ATG10: variants seen among roughly 807,000 people sequenced by gnomAD.
ATG10 encodes ubiquitin-like-conjugating enzyme ATG10.
ATG10 carries 30 observed loss-of-function variants against 32.1 expected under a neutral mutation model. That is an observed-to-expected ratio of 0.94 (90% CI 0.70 to 1.27). The LOEUF is 1.27. ATG10 is among the 50% of genes most tolerant of loss of function. The pLI is 0.00. For synonymous variants in ATG10, 87 were observed against 91.5 expected, an observed-to-expected ratio of 0.95 and a Z score of 0.28; for missense variants, 233 against 262.3, an observed-to-expected ratio of 0.89 and a Z score of 0.77.
intron 2 of ATG10, among the ~76,000 whole-genome samples, chr5:82,034,810 C>A (rs1182834055): frequency 6.6e-6 from 1 of 152,140 alleles, no homozygotes; most frequent in Non-Finnish European, 1.5e-5. Flanking sequence ...TCAAATGGCA[C>A]CTTATCAGTG....
At chr5:82,177,594 T>C (rs1744081680) in intron 4 of ATG10, among the ~76,000 whole-genome samples, 1 of 152,084 alleles carries the variant, frequency 6.6e-6, no homozygotes, top group Admixed American at 6.6e-5. Context: ...TTTCCAGTAG[T>C]GTATGGTTTG....
intron 2 of ATG10, among the ~76,000 whole-genome samples, chr5:82,029,288 G>T (rs1276571932): frequency 2.0e-5 from 3 of 151,804 alleles, no homozygotes; most frequent in African/African-American, 2.4e-5. Flanking sequence ...AGCTGAGATA[G>T]GAATGGGGAT....
chr5:82,052,475 A>T (rs900391971), intron 2 of ATG10, among the ~76,000 whole-genome samples: 1 of 152,212 alleles, frequency 6.6e-6, no homozygotes, highest in African/African-American at 2.4e-5. Context: ...GAAGTTTAAG[A>T]TTGGAATCTA....
At chr5:82,230,732 C>CAAAA (rs397881697) in intron 5 of ATG10, among the ~76,000 whole-genome samples, 16 of 58,778 alleles carry the variant, frequency 2.7e-4, no homozygotes, top group East Asian at 8.8e-4. Context: ...GACTCCGTCT[C>CAAAA]AAAAAAAAAA....
At chr5:82,249,696 T>C (rs1489588783) in intron 5 of ATG10, among the ~76,000 whole-genome samples, 1 of 152,230 alleles carries the variant, frequency 6.6e-6, no homozygotes, top group Non-Finnish European at 1.5e-5. Flanking sequence ...AGAGCAGGAC[T>C]TGATCTCAAA....
chr5:82,062,169 T>A (rs891401374), intron 3 of ATG10, among the ~76,000 whole-genome samples: 3 of 151,844 alleles, frequency 2.0e-5, no homozygotes, highest in African/African-American at 7.3e-5. Flanking sequence ...GAATAACATA[T>A]TTTTTTTCAA....
Position 82,202,418 on chromosome 5 carries a change from T to G in ATG10, c.453+23831T>G, listed in dbSNP as rs535843728. ...TCTTTTGGACTCTTAAAAACAACTC[T>G]TCCCCCCTGCAGACTTTTGACTTGC... is the stretch of plus-strand genomic sequence containing the variant. On this transcript the variant is annotated intron_variant, in intron 5 of 7. Coordinates refer to ENST00000282185, the MANE Select transcript of ATG10 (RefSeq NM_031482.5). Among the ~76,000 whole-genome samples the G allele has an allele frequency of 2.0e-5, 3 of 152,298 alleles. No individual in the cohort carries two copies. The East Asian group carries it at 5.8e-4, about 29-fold the overall frequency.
chr5:82,200,237 C>G (rs1464163483), intron 5 of ATG10, among the ~76,000 whole-genome samples: 1 of 152,036 alleles, frequency 6.6e-6, no homozygotes, highest in Non-Finnish European at 1.5e-5. Context: ...TATACTCCCA[C>G]TAGCAATTTC....
intron 7 of ATG10, 99 bp from the exon 8 acceptor site, chr5:82,253,969 G>C (rs1296234867): frequency 1.3e-5 from 2 of 152,912 alleles, no homozygotes. Context: ...TCAGTGACAG[G>C]AATGGATAGT....
chr5:82,004,112 T>G (rs1242559116), intron 2 of ATG10, among the ~76,000 whole-genome samples: 1 of 146,112 alleles, frequency 6.8e-6, no homozygotes, highest in Admixed American at 7.1e-5. Context: ...CAGCCTGCTC[T>G]GTCGCCCAGA....
intron 3 of ATG10, among the ~76,000 whole-genome samples, chr5:82,128,466 C>CT (rs1248315371): frequency 6.6e-6 from 1 of 151,824 alleles, no homozygotes; most frequent in Non-Finnish European, 1.5e-5. Flanking sequence ...TTCAGGAGCT[C>CT]TTGTAAGGCA....
chr5:82,124,962 A>C (rs527257819), intron 3 of ATG10, among the ~76,000 whole-genome samples: 1 of 152,226 alleles, frequency 6.6e-6, no homozygotes, highest in African/African-American at 2.4e-5. Context: ...TTGTTTCCTG[A>C]CTTTTTAATG....
At chr5:82,100,014 T>TG (rs1460442773) in intron 3 of ATG10, among the ~76,000 whole-genome samples, 21 of 133,424 alleles carry the variant, frequency 1.6e-4, no homozygotes, top group African/African-American at 5.7e-4. Flanking sequence ...TTTTTTTTTT[T>TG]TTTTTTTTTT....
intron 5 of ATG10, among the ~76,000 whole-genome samples, chr5:82,235,167 A>G (rs994057575): frequency 2.0e-5 from 3 of 152,112 alleles, no homozygotes; most frequent in Non-Finnish European, 4.4e-5. Flanking sequence ...AGCTATCATT[A>G]TGACTCTCTT....
intron 3 of ATG10, among the ~76,000 whole-genome samples, chr5:82,095,051 A>G (rs1312163101): frequency 2.6e-5 from 4 of 152,204 alleles, no homozygotes; most frequent in Non-Finnish European, 1.5e-5. Flanking sequence ...GTGAGCATGT[A>G]TAGCTTTTAT....
At chr5:82,155,384 GA>G (rs1450470810) in intron 3 of ATG10, among the ~76,000 whole-genome samples, 1 of 152,148 alleles carries the variant, frequency 6.6e-6, no homozygotes, top group Non-Finnish European at 1.5e-5. Flanking sequence ...ATAATAAAAT[GA>G]AATTAAAGAA....
intron 5 of ATG10, among the ~76,000 whole-genome samples, chr5:82,205,110 G>GTTTT (rs1745241273): frequency 6.6e-6 from 1 of 152,150 alleles, no homozygotes; most frequent in Non-Finnish European, 1.5e-5. Flanking sequence ...TTGTTTGTTT[G>GTTTT]TTTGATTGCT....
intron 3 of ATG10, among the ~76,000 whole-genome samples, chr5:82,139,055 G>T (rs1766913102): frequency 6.7e-6 from 1 of 149,706 alleles, no homozygotes; most frequent in African/African-American, 2.5e-5. Context: ...TGTTGGCCGG[G>T]CCGGTCTCCA....
chr5:82,075,982 G>A (rs1764261837), intron 3 of ATG10, among the ~76,000 whole-genome samples: 1 of 151,966 alleles, frequency 6.6e-6, no homozygotes, highest in Non-Finnish European at 1.5e-5. Context: ...ACAACAAAAA[G>A]TCTTTATAGA....
Sources: gnomAD v4.1 joint callset for allele counts (sites outside exome capture counted in the v4.1 genomes callset) on GRCh38, gnomAD v4.1.1 for gene constraint, MANE v1.5 for transcripts, NCBI Gene and HGNC (gene_info 2026-07-23, HGNC 2026-07-21) for gene names.